Variants in IQGAP3 observed in about 807,000 individuals in gnomAD.
IQGAP3 encodes the protein IQ motif containing GTPase activating protein 3.
Under a neutral mutation model 208.2 loss-of-function variants are expected in IQGAP3, and 165 were observed. The observed-to-expected ratio is 0.79, with a 90% CI of 0.70 to 0.90. The LOEUF is 0.90. Ranked by LOEUF, IQGAP3 falls within the 40% of genes least tolerant of loss-of-function variation. The pLI, the probability that IQGAP3 is intolerant of heterozygous loss-of-function variation, is 0.00. For synonymous variants in IQGAP3, 703 were observed against 803.6 expected, an observed-to-expected ratio of 0.87 and a Z score of 2.12; for missense variants, 1,811 against 2,043.1, an observed-to-expected ratio of 0.89 and a Z score of 2.19.
At chr1:156,544,275 C>CA in intron 20 of IQGAP3, 52 bp from the exon 21 acceptor site, 3 of 1,595,318 alleles carry the variant, frequency 1.9e-6, no homozygotes. Context: ...CACCCTCACT[C>CA]AGTCTCAGGC....
Position 156,567,267 on chromosome 1 carries a change from G to T in IQGAP3, c.126-721C>A, listed in dbSNP as rs111479037. Among the ~76,000 whole-genome samples the T allele has an allele frequency of 4.9e-3, 744 of 152,288 alleles. 8 individuals are homozygous for T. The highest frequency in any genetic ancestry group is 0.015 in the African/African-American group (634 of 41,550). ...GGGTGCAGAAAGGTCATGTCTGCCT[G>T]AATGATCTACATGGCTCATAACCCA... On this transcript the variant is annotated intron_variant, in intron 2 of 37. Coordinates refer to ENST00000361170, the MANE Select transcript of IQGAP3 (RefSeq NM_178229.5).
chr1:156,529,437 GAA>G (rs879586070), intron 34 of IQGAP3, among the ~76,000 whole-genome samples: 2 of 144,540 alleles, frequency 1.4e-5, no homozygotes, highest in African/African-American at 2.5e-5. Flanking sequence ...ATGTGGGGAA[GAA>G]AAAAAAAAAG....
Position 156,531,241 on chromosome 1 carries a change from CT to C in IQGAP3, c.4109del (p.Lys1370SerfsTer35), listed in dbSNP as rs1328893195. 1 of 1,613,374 alleles carries C rather than the reference CT, an allele frequency of 6.2e-7. No individual in the cohort carries two copies. The highest frequency in any genetic ancestry group is 1.7e-5 in the Admixed American group (1 of 60,006). On this transcript the variant is annotated frameshift_variant, in exon 33 of 38. Coordinates refer to ENST00000361170, the MANE Select transcript of IQGAP3 (RefSeq NM_178229.5). LOFTEE classifies it high-confidence loss of function. ...SNTRSLLLST[K>X]QLLADIIQFH... is the part of the protein sequence containing the mutation. ...ACTGTATGATATCGGCCAACAGCTG[CT>C]TGGTGCTGCACAAGGAGGACAGTGA...
At chr1:156,539,669 A>G in intron 24 of IQGAP3, 132 bp from the exon 25 acceptor site, 5 of 1,198,892 alleles carry the variant, frequency 4.2e-6, no homozygotes, top group Admixed American at 2.1e-5. Flanking sequence ...AGGTGCTAGT[A>G]ACATTCCAGA....
chr1:156,557,639 C>G, intron 11 of IQGAP3, among the ~76,000 whole-genome samples: 1 of 18,840 alleles, frequency 5.3e-5, no homozygotes. Flanking sequence ...GCCCGGCCAG[C>G]CGCCCCGTCC....
At chr1:156,571,846 C>T (rs1676659308) in intron 1 of IQGAP3, among the ~76,000 whole-genome samples, 1 of 152,076 alleles carries the variant, frequency 6.6e-6, no homozygotes, top group South Asian at 2.1e-4. Context: ...AACCTTTCTG[C>T]CCCACCCATC....
chr1:156,543,042 T>A (rs1039283418), intron 22 of IQGAP3, among the ~76,000 whole-genome samples: 1 of 151,202 alleles, frequency 6.6e-6, no homozygotes, highest in African/African-American at 2.4e-5. Flanking sequence ...GAGTAAAGTC[T>A]GGGGGCCAGT....
At position 156,537,325 on chromosome 1, in the gene IQGAP3, T is replaced by C; in HGVS notation, c.3282-4A>G. Reference sequence around the variant, plus strand: ...GGTGACATCATATGGGAGATGGCTATGAGCAGAGAGAGACAAGGTGTAAGC... The same window carrying C: ...GGTGACATCATATGGGAGATGGCTACGAGCAGAGAGAGACAAGGTGTAAGC... On this transcript the variant is annotated splice_polypyrimidine_tract_variant and splice_region_variant and intron_variant, in intron 26 of 37. Transcript: ENST00000361170. 6.2e-7 allele frequency: 1 copy of C among 1,610,828 alleles called. No individual in the cohort carries two copies. Among genetic ancestry groups the C allele is most frequent in the Non-Finnish European group, 8.5e-7 (1 of 1,178,398 alleles).
chr1:156,540,053 G>C, intron 23 of IQGAP3, 63 bp from the exon 24 acceptor site: 1 of 1,585,928 alleles, frequency 6.3e-7, no homozygotes. Flanking sequence ...CAGAACATAC[G>C]GTCTAGAATC....
At chr1:156,546,795 C>T (rs1468570607) in intron 19 of IQGAP3, among the ~76,000 whole-genome samples, 2 of 152,180 alleles carry the variant, frequency 1.3e-5, no homozygotes, top group African/African-American at 4.8e-5. Flanking sequence ...TCTCAATTAC[C>T]CCCCAACACC....
chr1:156,557,558 G>C (rs1675896677), intron 11 of IQGAP3, among the ~76,000 whole-genome samples: 1 of 85,608 alleles, frequency 1.2e-5, no homozygotes, highest in Non-Finnish European at 2.6e-5. Context: ...GTCCGGGAGG[G>C]AGGTGGGGGG....
chr1:156,547,569 C>G (rs1004596327), intron 19 of IQGAP3, among the ~76,000 whole-genome samples: 1 of 152,212 alleles, frequency 6.6e-6, no homozygotes, highest in Admixed American at 6.5e-5. Flanking sequence ...CCTCCCACCT[C>G]AGCCTTCTGA....
In IQGAP3 at chr1:156,533,156, C is replaced by T. The variant is rs768150520; in HGVS notation, c.3977-50G>A. 38 of 1,603,414 alleles carry T rather than the reference C, an allele frequency of 2.4e-5. 1 individual carries two copies. The highest frequency in any genetic ancestry group is 1.4e-4 in the South Asian group (13 of 90,660). Reference sequence around the variant, plus strand: ...GGAGACAGGCATACACACACACATGCGCACACACACATACACACACACACA... The same window carrying T: ...GGAGACAGGCATACACACACACATGTGCACACACACATACACACACACACA... On this transcript the variant is annotated intron_variant, in intron 31 of 37. Transcript: ENST00000361170.
intron 1 of IQGAP3, among the ~76,000 whole-genome samples, chr1:156,570,329 C>A (rs1035148356): frequency 1.2e-4 from 18 of 152,236 alleles, no homozygotes; most frequent in African/African-American, 4.1e-4. Flanking sequence ...TCGCTTGAGC[C>A]CAGAAGTTTG....
chr1:156,540,144 A>C (rs1484496380), intron 23 of IQGAP3, among the ~76,000 whole-genome samples, 154 bp from the exon 24 acceptor site: 7 of 152,072 alleles, frequency 4.6e-5, no homozygotes, highest in African/African-American at 1.7e-4. Context: ...AGGGTGAGGA[A>C]GGGCCCCTCC....
Position 156,556,690 on chromosome 1 carries a change from A to T in IQGAP3, c.1133T>A (p.Leu378His), listed in dbSNP as rs779290415. 6.4e-7 allele frequency: 1 copy of T among 1,568,256 alleles called. No individual in the cohort carries two copies. The highest frequency in any genetic ancestry group is 8.7e-7 in the Non-Finnish European group (1 of 1,152,862). The change falls in exon 12 of 38, where the codon CTC becomes CAC. Residue 378 changes from leucine to histidine, a missense_variant. Physicochemically the swap from Leu to His is moderately conservative, Grantham distance 99. Coordinates refer to ENST00000361170, the MANE Select transcript of IQGAP3 (RefSeq NM_178229.5). ...NTKGDQEQAM[L>H]HAVQRINKAI... ...TTTGTTGATCCGCTGCACAGCGTGG[A>T]GCACTGCAAGGCAGGAGAGCAACAG...
intron 13 of IQGAP3, among the ~76,000 whole-genome samples, chr1:156,552,741 C>T (rs1675614720): frequency 6.6e-6 from 1 of 152,180 alleles, no homozygotes; most frequent in South Asian, 2.1e-4. Flanking sequence ...TGTACTCCTG[C>T]AGTCAGTTCT....
At chr1:156,543,389 C>T (rs1053226414) in intron 22 of IQGAP3, among the ~76,000 whole-genome samples, 14 of 152,174 alleles carry the variant, frequency 9.2e-5, no homozygotes, top group African/African-American at 3.1e-4. Context: ...AGGAAAGGGG[C>T]CTACTGCTTC....
At chr1:156,540,126 GCA>G (rs893901031) in intron 23 of IQGAP3, 136 bp from the exon 24 acceptor site, 5 of 962,876 alleles carry the variant, frequency 5.2e-6, no homozygotes, top group Non-Finnish European at 6.2e-6. Context: ...GGGGACAGAA[GCA>G]GTTCTAGGGT....
Sources: allele counts gnomAD v4.1 joint callset (sites outside exome capture counted in the v4.1 genomes callset), GRCh38; gene constraint gnomAD v4.1.1; transcripts MANE v1.5; gene names NCBI Gene and HGNC (gene_info 2026-07-23, HGNC 2026-07-21).